SRCIN1: variants seen among roughly 807,000 people sequenced by gnomAD.
SRCIN1 encodes the protein P130Cas-associated protein.
In SRCIN1, 50 loss-of-function variants were observed where a neutral mutation model predicts 116.2. That is an observed-to-expected ratio of 0.43 (90% CI 0.34 to 0.54). The LOEUF is 0.54. SRCIN1 is among the 20% of genes least tolerant of loss of function. The pLI is 0.02. For synonymous variants in SRCIN1, 736 were observed against 750.0 expected (o/e 0.98, Z 0.30); for missense variants, 1,446 against 1,672.0 (o/e 0.86, Z 2.36).
intron 18 of SRCIN1, among the ~76,000 whole-genome samples, chr17:38,537,039 G>A (rs893201347): frequency 3.3e-5 from 5 of 151,900 alleles, no homozygotes; most frequent in African/African-American, 7.3e-5. Context: ...TTAACCAGGC[G>A]TGGTGGCGTG....
intron 2 of SRCIN1, among the ~76,000 whole-genome samples, chr17:38,569,738 C>G (rs548067315): frequency 2.0e-5 from 3 of 152,314 alleles, no homozygotes; most frequent in African/African-American, 7.2e-5. Context: ...AAGTCTGTGT[C>G]CCAGCCAATG....
chr17:38,591,266 C>A (rs2429990), intron 1 of SRCIN1, among the ~76,000 whole-genome samples: 49,603 of 152,134 alleles, frequency 0.33, 10,569 homozygotes, highest in African/African-American at 0.61. Flanking sequence ...CCTTCCTTAA[C>A]ATGAGCCACA....
At chr17:38,593,994 G>C (rs567231385) in intron 1 of SRCIN1, among the ~76,000 whole-genome samples, 1 of 152,248 alleles carries the variant, frequency 6.6e-6, no homozygotes, top group Non-Finnish European at 1.5e-5. Flanking sequence ...CAGAAAGTAA[G>C]TCTTGTAAGG....
chr17:38,598,381 G>C (rs1908834549), intron 1 of SRCIN1, among the ~76,000 whole-genome samples: 1 of 152,154 alleles, frequency 6.6e-6, no homozygotes, highest in East Asian at 1.9e-4. Context: ...AGTGATGTCT[G>C]CTGCGTATGC....
At position 38,560,037 on chromosome 17, in the gene SRCIN1, G is replaced by A. The variant is rs1170821761; in HGVS notation, c.1837+17C>T. On this transcript the variant is annotated intron_variant, in intron 9 of 18. Transcript: ENST00000617146. ...GCTCGGAGAGAACAAGGATGGGGGA[G>A]GGGGAGGTTCACTCACGTGCTGAGG... 6.5e-7 allele frequency: 1 copy of A among 1,539,628 alleles called. No individual in the cohort carries two copies. Among genetic ancestry groups the A allele is most frequent in the African/African-American group, 1.4e-5 (1 of 73,118 alleles).
intron 15 of SRCIN1, among the ~76,000 whole-genome samples, chr17:38,550,173 G>A (rs946598317): frequency 6.6e-6 from 1 of 152,100 alleles, no homozygotes; most frequent in Admixed American, 6.5e-5. Flanking sequence ...AATAACTACC[G>A]TGTCTGCCTC....
intron 11 of SRCIN1, among the ~76,000 whole-genome samples, chr17:38,556,602 G>T (rs1905819695): frequency 6.6e-6 from 1 of 152,244 alleles, no homozygotes; most frequent in Non-Finnish European, 1.5e-5. Flanking sequence ...GCCTGGGAAG[G>T]CTATGGGAGC....
At chr17:38,606,291 C>T (rs573456385), upstream of SRCIN1, among the ~76,000 whole-genome samples, 69 of 151,776 alleles carry the variant, frequency 4.5e-4, no homozygotes, top group Middle Eastern at 0.01. This position sits in a 1 kb window ranked among gnomAD's most constrained non-coding sequence, Gnocchi z 5.2. Context: ...GTGGAGGACT[C>T]CTGGGTCTCC....
At chr17:38,583,548 G>GTTTTTTGTTTTTT (rs1907935604) in intron 1 of SRCIN1, among the ~76,000 whole-genome samples, 4 of 104,290 alleles carry the variant, frequency 3.8e-5, no homozygotes, top group African/African-American at 1.2e-4. Context: ...TTCATTTTCT[G>GTTTTTTGTTTTTT]TTTTTTTTTT....
chr17:38,562,788 G>A lies in SRCIN1; in HGVS notation c.834+39C>T. On this transcript the variant is annotated intron_variant, in intron 6 of 18. Transcript: ENST00000617146. This position sits in a 1 kb window ranked among gnomAD's most constrained non-coding sequence, Gnocchi z 4.2. ...GACCCTGCTCCCCTGGACCCCATGT[G>A]CCCAGCCTCCCCAATGCCCTGGGCA... 1 of 1,580,972 alleles carries A rather than the reference G, an allele frequency of 6.3e-7. No individual in the cohort carries two copies. Among genetic ancestry groups the A allele is most frequent in the Non-Finnish European group, 8.7e-7 (1 of 1,153,512 alleles).
chr17:38,586,618 A>C (rs747908119), intron 1 of SRCIN1, among the ~76,000 whole-genome samples: 10 of 152,144 alleles, frequency 6.6e-5, no homozygotes, highest in Non-Finnish European at 1.5e-4. Context: ...TGCCCAGGGA[A>C]TACTGCCACC....
chr17:38,553,414 C>T (rs1045906060), intron 11 of SRCIN1, among the ~76,000 whole-genome samples: 4 of 152,204 alleles, frequency 2.6e-5, no homozygotes, highest in African/African-American at 7.2e-5. Context: ...AATATCTGCC[C>T]GAGTATCTCT....
Position 38,562,360 on chromosome 17 carries a change from G to A in SRCIN1, c.835-32C>T. 7.1e-7 allele frequency: 1 copy of A among 1,413,798 alleles called. No homozygotes were observed. The highest frequency in any genetic ancestry group is 9.1e-7 in the Non-Finnish European group (1 of 1,093,276). 87.6% of individuals were successfully genotyped at this position (1,413,798 alleles called of 1,614,324 possible). A position where few individuals can be genotyped will look rare whatever the true frequency, so the allele number is the denominator to read the frequency against. On this transcript the variant is annotated intron_variant, in intron 6 of 18. Transcript: ENST00000617146. The surrounding 1 kb of genome is among the most constrained non-coding windows in gnomAD (Gnocchi z 4.2). ...AGAAGACAGCCCGGAACCCCACGGG[G>A]CTGGTCACCAAGGACACCCCTGTCC... is the stretch of plus-strand genomic sequence containing the variant.
chr17:38,530,289 G>A lies in SRCIN1; in HGVS notation c.*3008C>T, dbSNP rs973718968. 2.6e-5 allele frequency: 4 copies of A among 152,080 alleles called. No individual in the cohort carries two copies. Among genetic ancestry groups the A allele is most frequent in the Non-Finnish European group, 4.4e-5 (3 of 68,006 alleles). 9.4% of individuals were successfully genotyped at this position (152,080 alleles called of 1,614,324 possible). A position where few individuals can be genotyped will look rare whatever the true frequency, so the allele number is the denominator to read the frequency against. ...AGGGTGTGGAGCCGGGGCTCACCCC[G>A]GGGGGCCCCCTGGGGACCCCACTCA... On this transcript the variant is annotated 3_prime_UTR_variant, in exon 19 of 19. Coordinates refer to ENST00000617146, the MANE Select transcript of SRCIN1 (RefSeq NM_025248.3).
intron 15 of SRCIN1, among the ~76,000 whole-genome samples, chr17:38,550,024 C>T (rs1005449750): frequency 1.4e-4 from 21 of 152,242 alleles, no homozygotes; most frequent in Non-Finnish European, 1.9e-4. Context: ...CTAGGGCCTC[C>T]GCCAGGACTG....
At chr17:38,561,268 T>C (rs774814758) in intron 7 of SRCIN1, among the ~76,000 whole-genome samples, 195 bp downstream of exon 7, 56 of 152,110 alleles carry the variant, frequency 3.7e-4, no homozygotes, top group South Asian at 1.0e-3. Flanking sequence ...GGGAGGAAAA[T>C]GGCAAGCTGG....
At position 38,561,784 on chromosome 17, in the gene SRCIN1, G is replaced by T; in HGVS notation, c.1379C>A (p.Pro460Gln). The T allele has an allele frequency of 6.7e-7, 1 of 1,486,468 alleles. No individual in the cohort carries two copies. The highest frequency in any genetic ancestry group is 8.9e-7 in the Non-Finnish European group (1 of 1,125,920). 92.1% of individuals were successfully genotyped at this position (1,486,468 alleles called of 1,614,324 possible). ...SLYKAAGGGG[P>Q]LYGDGYGFRL... ...GAAGCCGTAGCCGTCGCCGTACAGC[G>T]GGCCGCCGCCGCCCGCCGCCTTGTA... The change falls in exon 7 of 19, where the codon CCG becomes CAG. Residue 460 changes from proline (P) to glutamine (Q), a missense_variant. Pro to Gln is a moderately conservative substitution (Grantham distance 76). Coordinates refer to ENST00000617146, the MANE Select transcript of SRCIN1 (RefSeq NM_025248.3).
intron 7 of SRCIN1, among the ~76,000 whole-genome samples, chr17:38,561,086 G>A (rs1243866987): frequency 3.3e-5 from 5 of 152,156 alleles, no homozygotes; most frequent in African/African-American, 7.2e-5. Flanking sequence ...CAGCTGTCCC[G>A]GTGCTGGACA....
At chr17:38,589,773 T>C (rs1908342210) in intron 1 of SRCIN1, among the ~76,000 whole-genome samples, 1 of 152,190 alleles carries the variant, frequency 6.6e-6, no homozygotes, top group African/African-American at 2.4e-5. Context: ...TCTCACCTCA[T>C]GGGTTAATTT....
Sources: gnomAD v4.1 joint callset for allele counts (sites outside exome capture counted in the v4.1 genomes callset) on GRCh38, gnomAD v4.1.1 for gene constraint, Gnocchi (gnomAD v3.1) non-coding constraint, MANE v1.5 for transcripts, NCBI Gene and HGNC (gene_info 2026-07-23, HGNC 2026-07-21) for gene names.